Variants in PCCB observed in about 807,000 individuals in gnomAD.
PCCB encodes the protein propionyl-CoA carboxylase subunit beta, also known as propionyl-CoA carboxylase beta chain, mitochondrial.
In PCCB, 43 loss-of-function variants were observed where a neutral mutation model predicts 60.7. The observed-to-expected ratio is 0.71, with a 90% CI of 0.55 to 0.91. The LOEUF is 0.91. Among genes scored for constraint, PCCB ranks in the 40% least tolerant of loss-of-function variants. The pLI is 0.00. For synonymous variants in PCCB, 276 were observed against 255.9 expected, an observed-to-expected ratio of 1.08 and a Z score of -0.75; for missense variants, 766 against 702.8, an observed-to-expected ratio of 1.09 and a Z score of -1.02.
intron 5 of PCCB, among the ~76,000 whole-genome samples, chr3:136,279,473 T>C (rs1178947770): frequency 2.6e-5 from 4 of 152,136 alleles, no homozygotes; most frequent in African/African-American, 7.2e-5. Context: ...GTGGTTACCT[T>C]GGGGATTATA....
intron 10 of PCCB, among the ~76,000 whole-genome samples, chr3:136,325,686 T>A (rs577768041): frequency 4.9e-4 from 75 of 151,946 alleles, no homozygotes; most frequent in Middle Eastern, 3.4e-3. Context: ...GATATTAAAT[T>A]TTTTCAGGTA....
chr3:136,310,052 C>T (rs1224923314), intron 9 of PCCB, among the ~76,000 whole-genome samples: 5 of 151,122 alleles, frequency 3.3e-5, no homozygotes, highest in African/African-American at 7.3e-5. Flanking sequence ...GGCAACATGA[C>T]GAAACTCTGT....
In PCCB at chr3:136,250,415, C is replaced by G. The variant is rs1215705998; in HGVS notation, c.40C>G (p.Leu14Val). 11 of 1,581,956 alleles carry G rather than the reference C, an allele frequency of 7.0e-6. No individual in the cohort carries two copies. Residue 14 changes from leucine to valine, a missense_variant, in exon 1 of 15, where the codon CTC becomes GTC. Physicochemically the swap from Leu to Val is conservative, Grantham distance 32 (BLOSUM62 1). Coordinates refer to ENST00000251654, the MANE Select transcript of PCCB (RefSeq NM_000532.5). ...ACGGGTGGCGGCGGTCGGGGCAAGG[C>G]TCAGCGTTCTGGCGAGCGGTCTCCG... is the stretch of plus-strand genomic sequence containing the variant. The part of the protein sequence containing the change: ...ALRVAAVGAR[L>V]SVLASGLRAA...
chr3:136,275,011 C>T (rs1039705278), intron 5 of PCCB, among the ~76,000 whole-genome samples: 4 of 152,038 alleles, frequency 2.6e-5, no homozygotes, highest in Non-Finnish European at 5.9e-5. Flanking sequence ...TGGAAATTTG[C>T]TATGTTGCTC....
intron 1 of PCCB, among the ~76,000 whole-genome samples, chr3:136,255,003 A>G (rs1007166501): frequency 1.3e-5 from 2 of 151,710 alleles, no homozygotes; most frequent in African/African-American, 4.8e-5. Flanking sequence ...CAGCCTCCTG[A>G]GTAGCTGGGA....
At chr3:136,298,271 A>G (rs138246026) in intron 8 of PCCB, among the ~76,000 whole-genome samples, 199 bp downstream of exon 8, 107 of 152,264 alleles carry the variant, frequency 7.0e-4, no homozygotes, top group Non-Finnish European at 1.3e-3. Context: ...CCTCTCTGTA[A>G]TATCTAATGT....
At chr3:136,255,678 A>G in intron 1 of PCCB, 178 bp from the exon 2 acceptor site, 1 of 650,060 alleles carries the variant, frequency 1.5e-6, no homozygotes, top group Non-Finnish European at 2.8e-6. Flanking sequence ...CCTGATTTCC[A>G]TGTCATCTAA....
intron 5 of PCCB, among the ~76,000 whole-genome samples, chr3:136,276,754 A>G (rs1942341287): frequency 6.6e-6 from 1 of 152,210 alleles, no homozygotes; most frequent in African/African-American, 2.4e-5. Flanking sequence ...CTTCATGAGC[A>G]GCAAAGCTGC....
At chr3:136,295,216 G>A (rs1370613063) in intron 7 of PCCB, among the ~76,000 whole-genome samples, 1 of 152,242 alleles carries the variant, frequency 6.6e-6, no homozygotes, top group African/African-American at 2.4e-5. Context: ...TGGCATGCCT[G>A]ATTTATGCAC....
chr3:136,300,495 C>T (rs1934223973), intron 8 of PCCB, among the ~76,000 whole-genome samples: 1 of 152,206 alleles, frequency 6.6e-6, no homozygotes, highest in South Asian at 2.1e-4. Flanking sequence ...AGGAGAGAGT[C>T]CATGAGCCTG....
intron 14 of PCCB, 71 bp downstream of exon 14, chr3:136,328,928 T>C: frequency 7.9e-7 from 1 of 1,264,496 alleles, no homozygotes; most frequent in Non-Finnish European, 1.2e-6. Flanking sequence ...CTACAGAAAT[T>C]GTCACATAAC....
chr3:136,296,610 C>A (rs1367350976), intron 7 of PCCB, among the ~76,000 whole-genome samples: 1 of 152,048 alleles, frequency 6.6e-6, no homozygotes, highest in Non-Finnish European at 1.5e-5. Flanking sequence ...GTTTTCATTT[C>A]TCTTTGATTT....
At chr3:136,287,609 T>TA (rs1397812509) in intron 6 of PCCB, among the ~76,000 whole-genome samples, 1 of 152,168 alleles carries the variant, frequency 6.6e-6, no homozygotes, top group East Asian at 1.9e-4. Flanking sequence ...TAATTTTTTG[T>TA]ATTTTTGGTA....
intron 5 of PCCB, among the ~76,000 whole-genome samples, chr3:136,279,037 A>G (rs1942405181): frequency 6.6e-6 from 1 of 152,072 alleles, no homozygotes. Flanking sequence ...CTAGATGTGA[A>G]CCTTTTATCA....
intron 5 of PCCB, among the ~76,000 whole-genome samples, chr3:136,277,380 G>A (rs1942356929): frequency 6.6e-6 from 1 of 152,136 alleles, no homozygotes; most frequent in Admixed American, 6.5e-5. Context: ...GTTTACAAAA[G>A]GGCACCAGCT....
At chr3:136,298,524 A>G (rs1934039871) in intron 8 of PCCB, among the ~76,000 whole-genome samples, 1 of 152,124 alleles carries the variant, frequency 6.6e-6, no homozygotes, top group African/African-American at 2.4e-5. Flanking sequence ...GGCTCTACCT[A>G]GTTGTCCTTT....
At position 136,268,106 on chromosome 3, in the gene PCCB, A is replaced by ATGTATATATATATG. The variant is rs1246642652; in HGVS notation, c.543+6042_543+6043insGTATATATATATGT. ...TGTGTAGATATATATATATATATATATATATATATATATATGTATATATAT... is the reference window on the plus strand; with the variant it reads ...TGTGTAGATATATATATATATATATATGTATATATATATGTATATATATATATATGTATATATAT... On this transcript the variant is annotated intron_variant, in intron 5 of 14. Transcript: ENST00000251654. Among the ~76,000 whole-genome samples the ATGTATATATATATG allele has an allele frequency of 2.5e-4, 28 of 109,978 alleles. 1 individual carries two copies. The highest frequency in any genetic ancestry group is 4.8e-4 in the Non-Finnish European group (24 of 50,490). The allele number at this position is 109,978 out of a possible 152,430, so 72.1% of individuals were successfully genotyped here. A position where few individuals can be genotyped will look rare whatever the true frequency, so the allele number is the denominator to read the frequency against.
At chr3:136,266,699 C>T (rs1348147281) in intron 5 of PCCB, among the ~76,000 whole-genome samples, 1 of 152,254 alleles carries the variant, frequency 6.6e-6, no homozygotes, top group African/African-American at 2.4e-5. Context: ...ACATATTAGT[C>T]ATTTGTAAAC....
At chr3:136,299,456 ATG>A (rs904015957) in intron 8 of PCCB, among the ~76,000 whole-genome samples, 1 of 151,378 alleles carries the variant, frequency 6.6e-6, no homozygotes, top group African/African-American at 2.4e-5. Context: ...ATATGTATGC[ATG>A]TGTATGTATA....
Sources: allele counts gnomAD v4.1 joint callset (sites outside exome capture counted in the v4.1 genomes callset), GRCh38; gene constraint gnomAD v4.1.1; transcripts MANE v1.5; gene names NCBI Gene and HGNC (gene_info 2026-07-23, HGNC 2026-07-21).